The following NPAS3 variants were observed in gnomAD, a reference collection of about 807,000 sequenced individuals.
NPAS3 encodes the protein neuronal PAS domain protein 3, also known as neuronal PAS domain-containing protein 3.
Under a neutral mutation model 73.1 loss-of-function variants are expected in NPAS3, and 14 were observed. That is an observed-to-expected ratio of 0.19 (90% CI 0.13 to 0.30). NPAS3 has a LOEUF of 0.30. NPAS3 is among the 10% of genes least tolerant of loss of function. The pLI is 1.00. For synonymous variants in NPAS3, 620 were observed against 541.5 expected, an observed-to-expected ratio of 1.14 and a Z score of -2.01; for missense variants, 1,096 against 1,250.0, an observed-to-expected ratio of 0.88 and a Z score of 1.86.
At chr14:33,513,774 A>G (rs1328067070) in intron 4 of NPAS3, among the ~76,000 whole-genome samples, 1 of 150,840 alleles carries the variant, frequency 6.6e-6, no homozygotes, top group Non-Finnish European at 1.5e-5. Context: ...TTTGCTGCAG[A>G]GTTTTTTTGA....
rs566576205 is a variant in NPAS3, at chr14:33,318,431, G to C, written c.386-48755G>C. On this transcript the variant is annotated intron_variant, in intron 3 of 11. Coordinates refer to ENST00000356141, the Ensembl canonical transcript of NPAS3. ...TCTGGAGACTGGTTCACAATGATGTGAGTTTACTTAACATTACTGAACCAT... is the reference window on the plus strand; with the variant it reads ...TCTGGAGACTGGTTCACAATGATGTCAGTTTACTTAACATTACTGAACCAT... Among the ~76,000 whole-genome samples the C allele has an allele frequency of 7.0e-4, 106 of 152,040 alleles. 1 individual carries two copies. Among genetic ancestry groups the C allele is most frequent in the Non-Finnish European group, 1.0e-3 (71 of 67,980 alleles).
chr14:33,684,540 TGCCC>T (rs1367987529), intron 6 of NPAS3, among the ~76,000 whole-genome samples: 1 of 152,268 alleles, frequency 6.6e-6, no homozygotes, highest in South Asian at 2.1e-4. Context: ...TCAGGTGATC[TGCCC>T]GCCTCGGCCT....
At chr14:33,352,501 AT>A (rs2045116087) in intron 3 of NPAS3, among the ~76,000 whole-genome samples, 1 of 152,358 alleles carries the variant, frequency 6.6e-6, no homozygotes, top group African/African-American at 2.4e-5. Flanking sequence ...ACTGGGTATT[AT>A]TATCTCACTC....
At chr14:32,962,439 G>A (rs918511144) in intron 1 of NPAS3, among the ~76,000 whole-genome samples, 2 of 152,090 alleles carry the variant, frequency 1.3e-5, no homozygotes, top group African/African-American at 2.4e-5. Flanking sequence ...ATAAATGGTA[G>A]CGTATTAAAT....
chr14:33,586,632 A>AT (rs1219868447), intron 5 of NPAS3, among the ~76,000 whole-genome samples: 1 of 150,238 alleles, frequency 6.7e-6, no homozygotes, highest in Non-Finnish European at 1.5e-5. Context: ...ACTAAGAATT[A>AT]TTTTTTAATG....
chr14:33,145,804 G>C (rs1357614455), intron 2 of NPAS3, among the ~76,000 whole-genome samples: 1 of 152,150 alleles, frequency 6.6e-6, no homozygotes, highest in African/African-American at 2.4e-5. Context: ...TGATTTCACA[G>C]ACTATCGGAC....
chr14:33,088,651 C>T (rs1420595733), intron 2 of NPAS3, among the ~76,000 whole-genome samples: 2 of 152,198 alleles, frequency 1.3e-5, no homozygotes, highest in Non-Finnish European at 2.9e-5. Context: ...CTTAAATGTC[C>T]CTGTGTGACA....
At chr14:33,296,164 A>G (rs1339155594) in intron 3 of NPAS3, among the ~76,000 whole-genome samples, 1 of 152,254 alleles carries the variant, frequency 6.6e-6, no homozygotes, top group African/African-American at 2.4e-5. Context: ...TACCAGCAGA[A>G]TGAGTTGGAC....
chr14:33,250,617 G>A (rs990083603), intron 3 of NPAS3, among the ~76,000 whole-genome samples: 7 of 151,994 alleles, frequency 4.6e-5, no homozygotes, highest in African/African-American at 1.7e-4. Flanking sequence ...CACCCTATGT[G>A]GAGGATCCAT....
intron 7 of NPAS3, among the ~76,000 whole-genome samples, chr14:33,742,104 C>G (rs1380433751): frequency 6.6e-6 from 1 of 152,156 alleles, no homozygotes; most frequent in African/African-American, 2.4e-5. Flanking sequence ...TATTATGAGA[C>G]TTTGGCCTAT....
chr14:33,728,643 T>C (rs774436854), intron 6 of NPAS3, among the ~76,000 whole-genome samples: 7 of 152,116 alleles, frequency 4.6e-5, no homozygotes, highest in Non-Finnish European at 7.4e-5. Context: ...AGGATCACAC[T>C]CTAGTATACT....
At chr14:33,413,172 G>A (rs1194578819) in intron 4 of NPAS3, among the ~76,000 whole-genome samples, 5 of 151,598 alleles carry the variant, frequency 3.3e-5, no homozygotes, top group Non-Finnish European at 7.4e-5. Context: ...AGTATTTTTA[G>A]TGCTTTTTTT....
At chr14:33,563,565 G>A (rs72682319) in intron 5 of NPAS3, among the ~76,000 whole-genome samples, 11,423 of 144,112 alleles carry the variant, frequency 0.079, 581 homozygotes, top group Non-Finnish European at 0.11. Context: ...GAGAGAGAGA[G>A]GAGAGATGTA....
At chr14:33,288,700 A>G (rs4982066) in intron 3 of NPAS3, among the ~76,000 whole-genome samples, 48,233 of 151,740 alleles carry the variant, frequency 0.32, 8,102 homozygotes, top group East Asian at 0.47. Context: ...TTTTGGGGCT[A>G]CTTGTTGGTT....
intron 2 of NPAS3, among the ~76,000 whole-genome samples, chr14:33,163,917 G>T (rs1396272225): frequency 6.6e-6 from 1 of 152,158 alleles, no homozygotes; most frequent in Non-Finnish European, 1.5e-5. Context: ...AAAGAAAAAA[G>T]TGAGAGAAAA....
chr14:33,616,167 G>C (rs949536794), intron 5 of NPAS3, among the ~76,000 whole-genome samples: 6 of 152,216 alleles, frequency 3.9e-5, no homozygotes, highest in African/African-American at 1.4e-4. Context: ...TCTGGGGCTA[G>C]TGTGGTCCTG....
At position 33,148,414 on chromosome 14, in the gene NPAS3, A is replaced by G. The variant is rs971195855; in HGVS notation, c.141-66768A>G. Among the ~76,000 whole-genome samples the G allele has an allele frequency of 2.2e-4, 33 of 152,308 alleles. 1 individual carries two copies. The highest frequency in any genetic ancestry group is 2.1e-3 in the Admixed American group (32 of 15,290). On this transcript the variant is annotated intron_variant, in intron 2 of 11. Transcript: ENST00000356141. Reference sequence around the variant, plus strand: ...GTAATACCTTAGAGATGCCCTGTCCATTATGGTAGGGCTTATTGACTGCTT... The same window carrying G: ...GTAATACCTTAGAGATGCCCTGTCCGTTATGGTAGGGCTTATTGACTGCTT...
intron 2 of NPAS3, among the ~76,000 whole-genome samples, chr14:33,170,726 C>T (rs1368348551): frequency 2.6e-5 from 4 of 152,212 alleles, no homozygotes; most frequent in African/African-American, 7.2e-5. Context: ...CACTCCTCAT[C>T]TGTTTAAGTG....
intron 7 of NPAS3, among the ~76,000 whole-genome samples, chr14:33,764,457 C>A (rs2062395980): frequency 6.6e-6 from 1 of 152,206 alleles, no homozygotes; most frequent in Admixed American, 6.5e-5. Flanking sequence ...TACGTAATTT[C>A]TTTTCTAATA....
Sources: allele counts gnomAD v4.1 joint callset (sites outside exome capture counted in the v4.1 genomes callset), GRCh38; gene constraint gnomAD v4.1.1; transcripts MANE v1.5; gene names NCBI Gene and HGNC (gene_info 2026-07-23, HGNC 2026-07-21).